Variants in MYO1H observed in about 807,000 individuals in gnomAD.
The protein encoded by MYO1H is myosin IH.
In MYO1H, 118 loss-of-function variants were observed where a neutral mutation model predicts 149.3. The observed-to-expected ratio is 0.79, with a 90% CI of 0.68 to 0.92. MYO1H has a LOEUF of 0.92. Ranked by LOEUF, MYO1H falls within the 40% of genes least tolerant of loss-of-function variation. The pLI, the probability that MYO1H is intolerant of heterozygous loss-of-function variation, is 0.00. For synonymous variants in MYO1H, 447 were observed against 465.2 expected, an observed-to-expected ratio of 0.96 and a Z score of 0.50; for missense variants, 1,212 against 1,280.7, an observed-to-expected ratio of 0.95 and a Z score of 0.82.
At chr12:109,369,881 C>T (rs903092224) in intron 1 of MYO1H, among the ~76,000 whole-genome samples, 11 of 152,132 alleles carry the variant, frequency 7.2e-5, no homozygotes, top group Admixed American at 2.0e-4. Context: ...AGAGGTTTAA[C>T]GGACTCACAG....
chr12:109,310,629 C>A, the MYO1H span, among the ~76,000 whole-genome samples: 1 of 151,874 alleles, frequency 6.6e-6, no homozygotes, highest in South Asian at 2.1e-4. Context: ...TTTTTTAAAC[C>A]CAGTGTTTAA....
chr12:109,398,735 T>A (rs1244901919), intron 5 of MYO1H, among the ~76,000 whole-genome samples: 2 of 101,864 alleles, frequency 2.0e-5, no homozygotes, highest in Non-Finnish European at 1.9e-5. Context: ...GAGCGAAACT[T>A]CCTCTCAAAA....
intron 8 of MYO1H, among the ~76,000 whole-genome samples, chr12:109,406,567 T>C (rs1057126542): frequency 1.3e-5 from 2 of 150,680 alleles, no homozygotes; most frequent in Non-Finnish European, 3.0e-5. Context: ...GGAGGATCAC[T>C]TCAGCCCGGG....
At chr12:109,430,763 TA>T (rs1871576547) in intron 19 of MYO1H, among the ~76,000 whole-genome samples, 1 of 151,972 alleles carries the variant, frequency 6.6e-6, no homozygotes, top group East Asian at 1.9e-4. Flanking sequence ...CTGTCTCTAC[TA>T]AAAATACAAA....
chr12:109,440,858 G>T, intron 25 of MYO1H, 31 bp downstream of exon 25: 1 of 1,448,596 alleles, frequency 6.9e-7, no homozygotes, highest in Non-Finnish European at 9.5e-7. Flanking sequence ...GTGGCCGGTG[G>T]TGGGGGTGGG....
At chr12:109,359,194 A>G (rs1868682722) in intron 1 of MYO1H, 1 of 152,002 alleles carries the variant, frequency 6.6e-6, no homozygotes, top group Non-Finnish European at 1.5e-5. Context: ...CTCGTGGGGA[A>G]CCTGACAGGC....
chr12:109,407,963 T>C, intron 10 of MYO1H, 50 bp downstream of exon 10: 1 of 1,569,780 alleles, frequency 6.4e-7, no homozygotes, highest in Non-Finnish European at 8.6e-7. Context: ...TGGTGATGTT[T>C]TATAATCATC....
At chr12:109,381,599 G>A (rs766311721) in intron 1 of MYO1H, among the ~76,000 whole-genome samples, 7 of 152,044 alleles carry the variant, frequency 4.6e-5, no homozygotes, top group Non-Finnish European at 8.8e-5. Context: ...GAGGTCAGGA[G>A]TTCGAGACCA....
chr12:109,358,409 G>C (rs1320053660), intron 1 of MYO1H, among the ~76,000 whole-genome samples: 3 of 151,956 alleles, frequency 2.0e-5, no homozygotes, highest in Admixed American at 1.3e-4. Flanking sequence ...GATCTCTTTT[G>C]GTTCTGCTAT....
At chr12:109,419,816 C>A (rs2135571629) in intron 15 of MYO1H, among the ~76,000 whole-genome samples, 1 of 151,864 alleles carries the variant, frequency 6.6e-6, no homozygotes, top group Non-Finnish European at 1.5e-5. Context: ...CCACCTCAGC[C>A]TTCCAAAGTG....
chr12:109,349,389 A>G (rs113640031), intron 1 of MYO1H, among the ~76,000 whole-genome samples: 74 of 152,232 alleles, frequency 4.9e-4, no homozygotes, highest in African/African-American at 1.7e-3. Context: ...TGGGCTGGGC[A>G]TGGTGGCTTG....
At chr12:109,355,253 G>A (rs1161520275) in intron 1 of MYO1H, among the ~76,000 whole-genome samples, 1 of 151,958 alleles carries the variant, frequency 6.6e-6, no homozygotes, top group Non-Finnish European at 1.5e-5. Context: ...ACGACTTCAG[G>A]GGAATAACAA....
intron 1 of MYO1H, chr12:109,354,152 C>A (rs1004815348): frequency 6.6e-6 from 1 of 152,194 alleles, no homozygotes; most frequent in Non-Finnish European, 1.5e-5. Flanking sequence ...TATCACAAAT[C>A]ATTCAGTGCA....
chr12:109,334,654 C>T, the MYO1H span, among the ~76,000 whole-genome samples: 3 of 152,124 alleles, frequency 2.0e-5, no homozygotes, highest in Admixed American at 6.5e-5. Context: ...CTATGTATCT[C>T]GAAGCCTTTG....
intron 12 of MYO1H, among the ~76,000 whole-genome samples, chr12:109,410,362 G>A (rs1362424215): frequency 6.6e-6 from 1 of 151,938 alleles, no homozygotes; most frequent in African/African-American, 2.4e-5. Context: ...GGCTGGTCTC[G>A]AACTCCTGGA....
At chr12:109,393,691 C>T (rs570797458) in intron 3 of MYO1H, among the ~76,000 whole-genome samples, 13 of 152,126 alleles carry the variant, frequency 8.5e-5, no homozygotes, top group South Asian at 2.1e-4. Flanking sequence ...ACCTATCCAT[C>T]GATACATCCA....
chr12:109,406,917 C>T lies in MYO1H; in HGVS notation c.1035+57C>T, dbSNP rs1029753730. 4.0e-6 allele frequency: 6 copies of T among 1,501,052 alleles called. No homozygotes were observed. In the South Asian group the frequency reaches 5.6e-5, roughly 14 times the overall value. 93.0% of individuals were successfully genotyped at this position (1,501,052 alleles called of 1,614,324 possible). ...CCCTCCCTGCTGCTGCTGCCTCCCTCGATAACAGCAGGGTGGTGGCCTCAG... is the reference window on the plus strand; with the variant it reads ...CCCTCCCTGCTGCTGCTGCCTCCCTTGATAACAGCAGGGTGGTGGCCTCAG... On this transcript the variant is annotated intron_variant, in intron 9 of 31. Transcript: ENST00000310903.
chr12:109,425,916 TTCTCTC>T (rs67083809), intron 17 of MYO1H, 24 bp from the exon 18 acceptor site: 2 of 1,502,324 alleles, frequency 1.3e-6, no homozygotes, highest in Non-Finnish European at 1.8e-6. Flanking sequence ...CTCTGGCTCG[TTCTCTC>T]TCTCTTTCTC....
At chr12:109,372,311 G>A (rs10850086) in intron 1 of MYO1H, among the ~76,000 whole-genome samples, 37,214 of 151,788 alleles carry the variant, frequency 0.25, 5,509 homozygotes, top group East Asian at 0.39. Context: ...TGTAAAATAT[G>A]ACATAGATGT....
Sources: gnomAD v4.1 joint callset for allele counts (sites outside exome capture counted in the v4.1 genomes callset) on GRCh38, gnomAD v4.1.1 for gene constraint, MANE v1.5 for transcripts, NCBI Gene and HGNC (gene_info 2026-07-23, HGNC 2026-07-21) for gene names.